Variants in TSBP1 observed in about 807,000 individuals in gnomAD.
TSBP1 encodes the protein testis-expressed basic protein 1.
TSBP1 carries 56 observed loss-of-function variants against 68.8 expected under a neutral mutation model. That is an observed-to-expected ratio of 0.81 (90% CI 0.66 to 1.02). The LOEUF is 1.02. Among genes scored for constraint, TSBP1 ranks in the 50% least tolerant of loss-of-function variants. The pLI, the probability that TSBP1 is intolerant of heterozygous loss-of-function variation, is 0.00. For synonymous variants in TSBP1, 171 were observed against 208.7 expected (o/e 0.82, Z 1.56); for missense variants, 502 against 641.2 (o/e 0.78, Z 2.34).
rs142325142 is a variant in TSBP1, at chr6:32,320,904, T to C, written c.559+2213A>G. On this transcript the variant is annotated intron_variant, in intron 18 of 22. Coordinates refer to ENST00000612031, the Ensembl canonical transcript of TSBP1. ...CTGTGTGTCCATGTGTTCTCATCAT[T>C]TAGCTCCCGTTTATAAATAAGAACA... Among the ~76,000 whole-genome samples, 209 of 152,302 alleles carry C rather than the reference T, an allele frequency of 1.4e-3. 2 individuals carry two copies. Among genetic ancestry groups the C allele is most frequent in the African/African-American group, 4.6e-3 (190 of 41,550 alleles).
exon 1 of TSBP1, chr6:32,371,716 A>G: frequency 6.2e-7 from 1 of 1,613,772 alleles, no homozygotes; most frequent in Middle Eastern, 1.6e-4. Context: ...TTTTCCATGT[A>G]TTGTCTTCAT....
chr6:32,322,593 G>T, intron 18 of TSBP1, 87 bp from the exon 20 acceptor site: 1 of 1,001,268 alleles, frequency 1.0e-6, no homozygotes, highest in Non-Finnish European at 1.6e-6. Context: ...TGGAGTCTGT[G>T]AGGGGAGGAC....
chr6:32,297,235 A>G (rs1411756466), intron 22 of TSBP1, among the ~76,000 whole-genome samples: 2 of 152,154 alleles, frequency 1.3e-5, no homozygotes, highest in African/African-American at 2.4e-5. Context: ...GTAAATCTTC[A>G]TAATATAAAG....
rs1768873856 is a variant in TSBP1 at position 32,330,617 on chromosome 6, A to G, written c.494-8T>C. 6.3e-7 allele frequency: 1 copy of G among 1,596,196 alleles called. No homozygotes were observed. The highest frequency in any genetic ancestry group is 1.4e-5 in the African/African-American group (1 of 72,600). On this transcript the variant is annotated splice_region_variant and splice_polypyrimidine_tract_variant and intron_variant, in intron 15 of 22. Transcript: ENST00000612031. ...TGGATCCAGGATATTGTACTAAAAA[A>G]TAGAAACAAACAAATTAAACACACA...
At chr6:32,363,984 C>G (rs537352665) in intron 6 of TSBP1, among the ~76,000 whole-genome samples, 2 of 152,244 alleles carry the variant, frequency 1.3e-5, no homozygotes, top group South Asian at 4.1e-4. Flanking sequence ...TTTCTCAGAT[C>G]TGAAAAACAG....
chr6:32,339,392 CA>C, intron 10 of TSBP1: 1 of 669,038 alleles, frequency 1.5e-6, no homozygotes, highest in South Asian at 1.5e-5. Context: ...AAAGAGAGAA[CA>C]GTAAAATTGC....
rs1309087589 is a variant in TSBP1 at position 32,336,639 on chromosome 6, A to C, written c.410-4T>G. 1 of 1,612,136 alleles carries C rather than the reference A, an allele frequency of 6.2e-7. No homozygotes were observed. Among genetic ancestry groups the C allele is most frequent in the Non-Finnish European group, 8.5e-7 (1 of 1,179,224 alleles). On this transcript the variant is annotated splice_polypyrimidine_tract_variant and splice_region_variant and intron_variant, in intron 11 of 22. Coordinates refer to ENST00000612031, the Ensembl canonical transcript of TSBP1. This position sits in a 1 kb window ranked among gnomAD's most constrained non-coding sequence, Gnocchi z 5.2. ...CGAATAGGGGCTGTGAATTGCACTG[A>C]AATACAAAAAGGAGGAAAGTGTGGT...
chr6:32,329,996 C>T (rs1228316600), intron 16 of TSBP1, among the ~76,000 whole-genome samples: 1 of 150,870 alleles, frequency 6.6e-6, no homozygotes, highest in Non-Finnish European at 1.5e-5. Flanking sequence ...CCATGAGGTG[C>T]TCTGTCCTAT....
intron 22 of TSBP1, among the ~76,000 whole-genome samples, chr6:32,296,730 C>T (rs1353258030): frequency 1.3e-5 from 2 of 152,114 alleles, no homozygotes; most frequent in African/African-American, 4.8e-5. Flanking sequence ...TTTACTATCC[C>T]TTGGGGGTAA....
At chr6:32,348,432 G>A (rs114901188) in intron 9 of TSBP1, among the ~76,000 whole-genome samples, 3,092 of 130,398 alleles carry the variant, frequency 0.024, 90 homozygotes, top group African/African-American at 0.068. Flanking sequence ...ATGGGATAAG[G>A]TTATGGCACA....
In TSBP1 at chr6:32,302,603, A is replaced by G; in HGVS notation, c.601+6T>C. The stretch of plus-strand genomic sequence containing the variant: ...CTAATGTAATAAAAATATATTAGGA[A>G]CTTACTAGTGTGAACTTGAGGTATT... On this transcript the variant is annotated splice_donor_region_variant and intron_variant, in intron 20 of 22. Coordinates refer to ENST00000612031, the Ensembl canonical transcript of TSBP1. This position sits in a 1 kb window ranked among gnomAD's most constrained non-coding sequence, Gnocchi z 5.1. 6.5e-7 allele frequency: 1 copy of G among 1,537,204 alleles called. No individual in the cohort carries two copies. The highest frequency in any genetic ancestry group is 8.8e-7 in the Non-Finnish European group (1 of 1,136,364).
At chr6:32,349,871 T>A in intron 8 of TSBP1, 111 bp from the exon 9 acceptor site, 7 of 1,146,234 alleles carry the variant, frequency 6.1e-6, no homozygotes, top group Non-Finnish European at 8.0e-6. Flanking sequence ...TAGAAATGAG[T>A]CACAACTTAT....
At position 32,315,799 on chromosome 6, in the gene TSBP1, A is replaced by G. The variant is rs991996984; in HGVS notation, c.560-7T>C. ...GCAGTTCTCTGCGAAATTACTAAAA[A>G]ATAAGCAAAAAGAAATCCATTTAAT... On this transcript the variant is annotated splice_polypyrimidine_tract_variant and splice_region_variant and intron_variant, in intron 18 of 22. Coordinates refer to ENST00000612031, the Ensembl canonical transcript of TSBP1. The surrounding 1 kb of genome is among the most constrained non-coding windows in gnomAD (Gnocchi z 5.4). 8.7e-6 allele frequency: 13 copies of G among 1,492,310 alleles called. No homozygotes were observed. The highest frequency in any genetic ancestry group is 1.2e-5 in the Non-Finnish European group (13 of 1,107,398). The allele number at this position is 1,492,310 out of a possible 1,614,324, so 92.4% of individuals were successfully genotyped here.
chr6:32,335,347 G>T lies in TSBP1; in HGVS notation c.472+90C>A. ...GGTGGCAGAAGGACTTGATCCTTGA[G>T]TCCTTGGGCATGAATAATTGAAATA... On this transcript the variant is annotated intron_variant, in intron 14 of 22. Transcript: ENST00000612031. This position sits in a 1 kb window ranked among gnomAD's most constrained non-coding sequence, Gnocchi z 5.5. 1 of 1,268,056 alleles carries T rather than the reference G, an allele frequency of 7.9e-7. No homozygotes were observed. Among genetic ancestry groups the T allele is most frequent in the Non-Finnish European group, 1.1e-6 (1 of 948,490 alleles). The allele number at this position is 1,268,056 out of a possible 1,614,324, so 78.6% of individuals were successfully genotyped here.
chr6:32,367,648 AT>A (rs1773903724), intron 4 of TSBP1, among the ~76,000 whole-genome samples: 1 of 152,220 alleles, frequency 6.6e-6, no homozygotes, highest in African/African-American at 2.4e-5. Context: ...CATCCAGGAA[AT>A]TGTTTCGGAG....
chr6:32,316,828 T>G lies in TSBP1; in HGVS notation c.560-1036A>C, dbSNP rs115357832. Among the ~76,000 whole-genome samples, 5,990 of 152,028 alleles carry G rather than the reference T, an allele frequency of 0.039. 336 individuals carry two copies. Among genetic ancestry groups the G allele is most frequent in the African/African-American group, 0.12 (5,135 of 41,430 alleles). Reference sequence around the variant, plus strand: ...AAATGAGTAGGGTAGGCCAGGCGCCTTGGCTCACACCTGTAATCCCAGCAC... The same window carrying G: ...AAATGAGTAGGGTAGGCCAGGCGCCGTGGCTCACACCTGTAATCCCAGCAC... On this transcript the variant is annotated intron_variant, in intron 18 of 22. Coordinates refer to ENST00000612031, the Ensembl canonical transcript of TSBP1. The surrounding 1 kb of genome is among the most constrained non-coding windows in gnomAD (Gnocchi z 4.5).
At chr6:32,294,218 C>G in intron 22 of TSBP1, 183 bp from the exon 26 acceptor site, 1 of 705,978 alleles carries the variant, frequency 1.4e-6, no homozygotes. Flanking sequence ...CGATAAAATT[C>G]TGGACTATTT....
chr6:32,327,955 CTT>C (rs1768443317), intron 16 of TSBP1, among the ~76,000 whole-genome samples: 1 of 143,774 alleles, frequency 7.0e-6, no homozygotes, highest in Admixed American at 6.9e-5. Flanking sequence ...CCATGCCCGA[CTT>C]ATTATTATTT....
chr6:32,349,643 G>T, intron 9 of TSBP1, 97 bp downstream of exon 9: 1 of 722,052 alleles, frequency 1.4e-6, no homozygotes, highest in Non-Finnish European at 2.5e-6. Flanking sequence ...AGCTTCTGCT[G>T]TGCTGCAGCG....
Sources: allele counts gnomAD v4.1 joint callset (sites outside exome capture counted in the v4.1 genomes callset), GRCh38; gene constraint gnomAD v4.1.1; non-coding constraint Gnocchi (gnomAD v3.1); transcripts MANE v1.5; gene names NCBI Gene and HGNC (gene_info 2026-07-23, HGNC 2026-07-21).